Variants in GREB1 observed in about 807,000 individuals in gnomAD.
The protein encoded by GREB1 is growth regulating estrogen receptor binding 1, also known as protein GREB1.
A neutral mutation model predicts 200.7 loss-of-function variants in GREB1; 106 were observed. That is an observed-to-expected ratio of 0.53 (90% CI 0.45 to 0.62). The LOEUF is 0.62. GREB1 is among the 20% of genes least tolerant of loss of function. The pLI is 0.00. For missense variants in GREB1, 2,243 were observed against 2,556.8 expected, an observed-to-expected ratio of 0.88 and a Z score of 2.65; for synonymous variants, 1,132 against 1,092.4, an observed-to-expected ratio of 1.04 and a Z score of -0.72.
intron 1 of GREB1, among the ~76,000 whole-genome samples, chr2:11,549,640 C>T (rs1045248016): frequency 6.6e-6 from 1 of 152,080 alleles, no homozygotes. Context: ...GCCTTGTAGC[C>T]CTTCTAGTAA....
chr2:11,578,108 G>A (rs566380697), intron 5 of GREB1, among the ~76,000 whole-genome samples, 189 bp from the exon 6 acceptor site: 2 of 152,264 alleles, frequency 1.3e-5, no homozygotes, highest in South Asian at 2.1e-4. Context: ...CCCTTGGCAC[G>A]TAGCCACAAG....
At chr2:11,634,540 T>C (rs1223736482) in intron 29 of GREB1, among the ~76,000 whole-genome samples, 191 bp downstream of exon 29, 1 of 152,258 alleles carries the variant, frequency 6.6e-6, no homozygotes, top group African/African-American at 2.4e-5. Flanking sequence ...TCACCAATTC[T>C]CATGATGCTT....
At chr2:11,627,293 C>G (rs1684545748) in intron 25 of GREB1, among the ~76,000 whole-genome samples, 189 bp downstream of exon 25, 1 of 152,200 alleles carries the variant, frequency 6.6e-6, no homozygotes, top group Non-Finnish European at 1.5e-5. Flanking sequence ...CACCACGGTT[C>G]TCCTGGGGTT....
intron 23 of GREB1, among the ~76,000 whole-genome samples, chr2:11,624,338 ATTC>A (rs891169218): frequency 3.0e-5 from 4 of 134,534 alleles, no homozygotes; most frequent in African/African-American, 1.1e-4. Context: ...AGATACACAA[ATTC>A]TTTTTTTTTT....
chr2:11,587,313 C>T, intron 9 of GREB1: 3 of 1,166,138 alleles, frequency 2.6e-6, no homozygotes, highest in Non-Finnish European at 3.9e-6. Flanking sequence ...TTCTCTGTCC[C>T]TCTTTTATGA....
chr2:11,510,592 C>T (rs1190101899), intron 1 of GREB1, among the ~76,000 whole-genome samples: 3 of 152,120 alleles, frequency 2.0e-5, no homozygotes, highest in Admixed American at 6.6e-5. Context: ...TTCCTTTATC[C>T]ACCAGTTTTC....
intron 17 of GREB1, among the ~76,000 whole-genome samples, chr2:11,606,611 T>G (rs1682315959): frequency 6.6e-6 from 1 of 152,066 alleles, no homozygotes; most frequent in Non-Finnish European, 1.5e-5. Context: ...TTACTATAGA[T>G]TATAATTTTT....
chr2:11,562,290 G>A (rs996484396), intron 2 of GREB1, among the ~76,000 whole-genome samples, 173 bp from the exon 3 acceptor site: 1 of 152,170 alleles, frequency 6.6e-6, no homozygotes, highest in Non-Finnish European at 1.5e-5. Context: ...AGTTAATTTC[G>A]AACTAGCTAG....
chr2:11,491,829 G>A (rs1026723440), intron 1 of GREB1, among the ~76,000 whole-genome samples: 1 of 152,150 alleles, frequency 6.6e-6, no homozygotes, highest in Non-Finnish European at 1.5e-5. Flanking sequence ...TTCACCAAGA[G>A]CTCATTGACA....
intron 1 of GREB1, among the ~76,000 whole-genome samples, chr2:11,551,734 C>T (rs1238912010): frequency 1.3e-5 from 2 of 152,066 alleles, no homozygotes; most frequent in Admixed American, 6.6e-5. Context: ...ATTCAGCGCT[C>T]CCACCGCCGC....
At chr2:11,488,756 ACTC>A (rs1276565840) in intron 1 of GREB1, among the ~76,000 whole-genome samples, 2 of 143,498 alleles carry the variant, frequency 1.4e-5, no homozygotes, top group Non-Finnish European at 3.0e-5. Flanking sequence ...GTGCCATTGT[ACTC>A]CATCCTGGGC....
intron 1 of GREB1, among the ~76,000 whole-genome samples, chr2:11,553,234 C>T (rs143068126): frequency 2.6e-5 from 4 of 152,038 alleles, no homozygotes; most frequent in African/African-American, 7.2e-5. Flanking sequence ...CTTTACTGGG[C>T]GGGCATGGTG....
intron 26 of GREB1, among the ~76,000 whole-genome samples, chr2:11,630,702 A>G (rs1450020636): frequency 6.6e-6 from 1 of 152,234 alleles, no homozygotes; most frequent in Non-Finnish European, 1.5e-5. Flanking sequence ...ACCTATAGAT[A>G]TAGATATTTC....
At position 11,597,368 on chromosome 2, in the gene GREB1, G is replaced by A. The variant is rs1458745918; in HGVS notation, c.1955-413G>A. On this transcript the variant is annotated intron_variant, in intron 13 of 32. Coordinates refer to ENST00000381486, the MANE Select transcript of GREB1 (RefSeq NM_014668.4). The surrounding 1 kb of genome is among the most constrained non-coding windows in gnomAD (Gnocchi z 4.1). Reference sequence around the variant, plus strand: ...ATGCCAATTTCCTGCCTCTGAGTCTGTTGCTGATGTTTTTTATTCATACAG... The same window carrying A: ...ATGCCAATTTCCTGCCTCTGAGTCTATTGCTGATGTTTTTTATTCATACAG... Among the ~76,000 whole-genome samples, 1 of 152,106 alleles carries A rather than the reference G, an allele frequency of 6.6e-6. No homozygotes were observed. The highest frequency in any genetic ancestry group is 1.9e-4 in the East Asian group (1 of 5,190).
intron 1 of GREB1, among the ~76,000 whole-genome samples, chr2:11,549,328 G>C (rs1034328442): frequency 2.0e-5 from 3 of 152,032 alleles, no homozygotes; most frequent in African/African-American, 7.2e-5. Flanking sequence ...CTCTTTGTGG[G>C]TATTCGGTGT....
At chr2:11,562,752 C>T in intron 3 of GREB1, 170 bp downstream of exon 3, 2 of 642,812 alleles carry the variant, frequency 3.1e-6, no homozygotes, top group Non-Finnish European at 4.9e-6. Flanking sequence ...AGGTGCTGGC[C>T]CGGCCTGCCC....
chr2:11,614,318 G>T (rs1286695901), intron 19 of GREB1, among the ~76,000 whole-genome samples: 2 of 151,804 alleles, frequency 1.3e-5, no homozygotes, highest in Non-Finnish European at 2.9e-5. Flanking sequence ...GTAGAGATGG[G>T]GTTTTGCCAT....
chr2:11,563,976 G>C (rs575711427), intron 3 of GREB1, among the ~76,000 whole-genome samples: 1 of 152,272 alleles, frequency 6.6e-6, no homozygotes, highest in East Asian at 1.9e-4. Context: ...TTTTGGGAAG[G>C]CTTCCTGGAG....
chr2:11,626,612 AC>A (rs1172923604), intron 24 of GREB1, among the ~76,000 whole-genome samples: 1 of 152,074 alleles, frequency 6.6e-6, no homozygotes, highest in Non-Finnish European at 1.5e-5. Flanking sequence ...AAACAGAAAA[AC>A]AAGGGGCAGT....
Sources: allele counts gnomAD v4.1 joint callset (sites outside exome capture counted in the v4.1 genomes callset), GRCh38; gene constraint gnomAD v4.1.1; non-coding constraint Gnocchi (gnomAD v3.1); transcripts MANE v1.5; gene names NCBI Gene and HGNC (gene_info 2026-07-23, HGNC 2026-07-21).